Variants in KLHL1 observed in about 807,000 individuals in gnomAD.
The protein encoded by KLHL1 is kelch like family member 1, also known as kelch-like protein 1.
A neutral mutation model predicts 77.7 loss-of-function variants in KLHL1; 47 were observed. That is an observed-to-expected ratio of 0.60 (90% CI 0.48 to 0.77). The LOEUF (loss-of-function observed/expected upper bound fraction) is 0.77. KLHL1 is among the 30% of genes least tolerant of loss of function. KLHL1 has a pLI of 0.00. For missense variants in KLHL1, 925 were observed against 910.8 expected, an observed-to-expected ratio of 1.02 and a Z score of -0.20; for synonymous variants, 360 against 325.2, an observed-to-expected ratio of 1.11 and a Z score of -1.15.
chr13:69,817,072 C>T lies in KLHL1; in HGVS notation c.1415-20110G>A, dbSNP rs542334119. Reference sequence around the variant, plus strand: ...TTACGTTTTCATCTTAAAATGCTTACTGAACATAAACTCATGCTACTTGAC... The same window carrying T: ...TTACGTTTTCATCTTAAAATGCTTATTGAACATAAACTCATGCTACTTGAC... On this transcript the variant is annotated intron_variant, in intron 6 of 10. Coordinates refer to ENST00000377844, the MANE Select transcript of KLHL1 (RefSeq NM_020866.3). Among the ~76,000 whole-genome samples, 40 of 152,188 alleles carry T rather than the reference C, an allele frequency of 2.6e-4. 1 individual carries two copies. Among genetic ancestry groups the T allele is most frequent in the African/African-American group, 9.4e-4 (39 of 41,564 alleles).
At chr13:69,965,874 C>T (rs1884197430) in intron 2 of KLHL1, among the ~76,000 whole-genome samples, 1 of 152,154 alleles carries the variant, frequency 6.6e-6, no homozygotes, top group Non-Finnish European at 1.5e-5. Flanking sequence ...AAGGCCCTAA[C>T]TCTCTTCAAT....
chr13:69,997,230 T>C (rs1885178340), intron 1 of KLHL1, among the ~76,000 whole-genome samples: 1 of 151,698 alleles, frequency 6.6e-6, no homozygotes, highest in Non-Finnish European at 1.5e-5. Flanking sequence ...CAAAAATAAA[T>C]GAATAAATAA....
chr13:69,729,498 C>T (rs1205552719), intron 8 of KLHL1, among the ~76,000 whole-genome samples: 2 of 151,262 alleles, frequency 1.3e-5, no homozygotes, highest in Non-Finnish European at 1.5e-5. Flanking sequence ...ATTAGTGTTA[C>T]GTGATAGCAA....
intron 1 of KLHL1, among the ~76,000 whole-genome samples, chr13:69,986,932 A>C (rs2137307255): frequency 6.6e-6 from 1 of 152,112 alleles, no homozygotes; most frequent in African/African-American, 2.4e-5. Flanking sequence ...ATAATAGACA[A>C]GAAGTCTTTG....
At chr13:69,731,755 T>C (rs543803805) in intron 8 of KLHL1, among the ~76,000 whole-genome samples, 87 of 152,204 alleles carry the variant, frequency 5.7e-4, no homozygotes, top group Non-Finnish European at 8.5e-4. Context: ...TAATAATGGA[T>C]ATTGACACTA....
intron 7 of KLHL1, among the ~76,000 whole-genome samples, chr13:69,784,449 G>A (rs1370479348): frequency 2.6e-5 from 4 of 152,260 alleles, no homozygotes; most frequent in African/African-American, 4.8e-5. Flanking sequence ...CATCTCATGT[G>A]CAGAGACACA....
Position 70,107,900 on chromosome 13 carries a change from C to T in KLHL1, c.-201G>A, listed in dbSNP as rs868002168. 1.7e-5 allele frequency: 9 copies of T among 521,488 alleles called. No individual in the cohort carries two copies. Among genetic ancestry groups the T allele is most frequent in the Middle Eastern group, 9.8e-4 (2 of 2,034 alleles). The allele number at this position is 521,488 out of a possible 1,614,324, so 32.3% of individuals were successfully genotyped here. On this transcript the variant is annotated 5_prime_UTR_variant, in exon 1 of 11. Transcript: ENST00000377844. ...AGACGGCAAAGCCGCGCGTTTCAGC[C>T]GTGGTCGGGTCCGCAGGACCTGGGC...
chr13:69,730,607 T>G (rs1473096114), intron 8 of KLHL1, among the ~76,000 whole-genome samples: 1 of 152,068 alleles, frequency 6.6e-6, no homozygotes, highest in African/African-American at 2.4e-5. Flanking sequence ...AGGATCTTGC[T>G]CTATCACCCA....
intron 3 of KLHL1, among the ~76,000 whole-genome samples, chr13:69,956,798 A>G (rs1883902405): frequency 6.6e-6 from 1 of 151,626 alleles, no homozygotes; most frequent in Non-Finnish European, 1.5e-5. Flanking sequence ...GATCTATCTC[A>G]AGAAGATTTT....
chr13:69,713,790 A>T (rs1448678608), intron 9 of KLHL1, among the ~76,000 whole-genome samples: 3 of 152,144 alleles, frequency 2.0e-5, no homozygotes, highest in Admixed American at 6.6e-5. Flanking sequence ...TTACCCTTAG[A>T]GACAATATTT....
rs533594880 is a variant in KLHL1 at position 69,837,604 on chromosome 13, ATC to A, written c.1414+1370_1414+1371del. The stretch of plus-strand genomic sequence containing the variant: ...AGTTATACTATATATATACACATAC[ATC>A]TCTCTCTCTATATATATGTGTGTGT... On this transcript the variant is annotated intron_variant, in intron 6 of 10. Coordinates refer to ENST00000377844, the MANE Select transcript of KLHL1 (RefSeq NM_020866.3). 1.4e-4 allele frequency among the ~76,000 whole-genome samples: 20 copies of A among 138,512 alleles called. 1 individual carries two copies. The highest frequency in any genetic ancestry group is 4.5e-4 in the African/African-American group (16 of 35,864). The allele number at this position is 138,512 out of a possible 152,430, so 90.9% of individuals were successfully genotyped here.
intron 4 of KLHL1, among the ~76,000 whole-genome samples, chr13:69,908,708 T>C (rs1038980870): frequency 6.6e-6 from 1 of 151,638 alleles, no homozygotes; most frequent in African/African-American, 2.4e-5. Flanking sequence ...TAGACATCAA[T>C]TTCCAAAGTC....
Position 70,107,353 on chromosome 13 carries a change from G to A in KLHL1, c.347C>T (p.Ala116Val), listed in dbSNP as rs773864282. ...TGACTCCACGTAGAAGAGAGTCCTGGCTGGCTGCTGAGTGCCCTGCCCAGG... is the reference window on the plus strand; with the variant it reads ...TGACTCCACGTAGAAGAGAGTCCTGACTGGCTGCTGAGTGCCCTGCCCAGG... ...GAPGQGTQQP[A>V]RTLFYVESLE... The change falls in exon 1 of 11, where the codon GCC becomes GTC. Residue 116 changes from alanine to valine, a missense_variant. By Grantham distance (64) the Ala-to-Val change is moderately conservative. Transcript: ENST00000377844. 6 of 1,614,164 alleles carry A rather than the reference G, an allele frequency of 3.7e-6. No homozygotes were observed. In the South Asian group the frequency reaches 6.6e-5, roughly 18 times the overall value.
At chr13:69,744,665 C>T (rs74090441) in intron 7 of KLHL1, among the ~76,000 whole-genome samples, 5 of 151,778 alleles carry the variant, frequency 3.3e-5, no homozygotes, top group East Asian at 1.9e-4. Context: ...TACACCCCCC[C>T]CAAAAGCTAA....
intron 7 of KLHL1, among the ~76,000 whole-genome samples, chr13:69,779,879 C>T (rs1030275): frequency 0.19 from 29,232 of 151,950 alleles, 3,540 homozygotes; most frequent in South Asian, 0.32. Flanking sequence ...GGTGCGATCT[C>T]GGCTCACTGC....
intron 7 of KLHL1, among the ~76,000 whole-genome samples, chr13:69,787,301 C>T (rs1318337851): frequency 6.6e-6 from 1 of 152,048 alleles, no homozygotes; most frequent in Non-Finnish European, 1.5e-5. Flanking sequence ...GGTACTGGTA[C>T]CAAAACAGAA....
At chr13:69,896,431 C>A (rs111237638) in intron 4 of KLHL1, among the ~76,000 whole-genome samples, 8,755 of 152,140 alleles carry the variant, frequency 0.058, 314 homozygotes, top group African/African-American at 0.09. Flanking sequence ...AATCAGGACA[C>A]CTTGGCAGAC....
At chr13:70,023,451 TCAC>T (rs1393847950) in intron 1 of KLHL1, among the ~76,000 whole-genome samples, 4 of 152,122 alleles carry the variant, frequency 2.6e-5, no homozygotes, top group African/African-American at 9.6e-5. Flanking sequence ...AATACTATTT[TCAC>T]CACCAATAAA....
At chr13:70,031,796 A>G (rs2501201) in intron 1 of KLHL1, among the ~76,000 whole-genome samples, 89,715 of 152,066 alleles carry the variant, frequency 0.59, 28,444 homozygotes, top group East Asian at 0.81. Context: ...AAGTTATTAA[A>G]CAAGGAAATG....
Sources: gnomAD v4.1 joint callset for allele counts (sites outside exome capture counted in the v4.1 genomes callset) on GRCh38, gnomAD v4.1.1 for gene constraint, MANE v1.5 for transcripts, NCBI Gene and HGNC (gene_info 2026-07-23, HGNC 2026-07-21) for gene names.